The following CPNE8 variants were observed in gnomAD, a reference collection of about 807,000 sequenced individuals.
CPNE8 encodes copine 8.
Under a neutral mutation model 81.5 loss-of-function variants are expected in CPNE8, and 45 were observed. That is an observed-to-expected ratio of 0.55 (90% CI 0.44 to 0.71). The LOEUF (loss-of-function observed/expected upper bound fraction) is 0.71. Ranked by LOEUF, CPNE8 falls within the 30% of genes least tolerant of loss-of-function variation. The pLI, the probability that CPNE8 is intolerant of heterozygous loss-of-function variation, is 0.00. For synonymous variants in CPNE8, 252 were observed against 226.3 expected (o/e 1.11, Z -1.02); for missense variants, 594 against 672.1 (o/e 0.88, Z 1.28).
At chr12:38,865,996 T>C (rs1943907614) in intron 3 of CPNE8, among the ~76,000 whole-genome samples, 1 of 152,226 alleles carries the variant, frequency 6.6e-6, no homozygotes, top group South Asian at 2.1e-4. Context: ...TACGTCCTTT[T>C]CTGAACAGAA....
At chr12:38,702,789 GA>G in intron 14 of CPNE8, 85 bp downstream of exon 14, 1 of 763,446 alleles carries the variant, frequency 1.3e-6, no homozygotes, top group Non-Finnish European at 2.0e-6. Context: ...TGTAAATATA[GA>G]AATAAATTAA....
chr12:38,709,447 C>A (rs1464400618), intron 13 of CPNE8, among the ~76,000 whole-genome samples: 1 of 152,186 alleles, frequency 6.6e-6, no homozygotes, highest in Non-Finnish European at 1.5e-5. Context: ...GTGAGATGCA[C>A]AAATGCAAAT....
At chr12:38,716,378 A>C (rs1940392148) in intron 13 of CPNE8, among the ~76,000 whole-genome samples, 1 of 152,156 alleles carries the variant, frequency 6.6e-6, no homozygotes. Flanking sequence ...TGGAGGCATC[A>C]CATCACCCAA....
At chr12:38,671,502 G>A (rs1939175791) in intron 18 of CPNE8, among the ~76,000 whole-genome samples, 1 of 152,120 alleles carries the variant, frequency 6.6e-6, no homozygotes. Flanking sequence ...ATGCAGTGCT[G>A]CAATTAAGAA....
chr12:38,771,291 T>C (rs1047450059), intron 7 of CPNE8, among the ~76,000 whole-genome samples: 2 of 143,704 alleles, frequency 1.4e-5, no homozygotes, highest in Non-Finnish European at 3.0e-5. Flanking sequence ...TGAGACCACA[T>C]CTCTATCAAA....
intron 3 of CPNE8, among the ~76,000 whole-genome samples, chr12:38,861,049 A>C (rs1943824673): frequency 6.6e-6 from 1 of 152,198 alleles, no homozygotes; most frequent in Non-Finnish European, 1.5e-5. Context: ...AATATTATTC[A>C]GCTTTACAAA....
chr12:38,733,770 T>G (rs966068220), intron 10 of CPNE8, among the ~76,000 whole-genome samples: 1 of 151,964 alleles, frequency 6.6e-6, no homozygotes, highest in African/African-American at 2.4e-5. Context: ...GCTAGTAATT[T>G]GGCTCTAAAA....
chr12:38,720,372 T>C (rs1041928058), intron 13 of CPNE8, among the ~76,000 whole-genome samples: 3 of 152,232 alleles, frequency 2.0e-5, no homozygotes, highest in Non-Finnish European at 4.4e-5. Flanking sequence ...ATGTGATTTA[T>C]TGGTACCAGA....
chr12:38,785,066 G>T (rs901647054), intron 6 of CPNE8, among the ~76,000 whole-genome samples: 1 of 151,928 alleles, frequency 6.6e-6, no homozygotes, highest in Non-Finnish European at 1.5e-5. Context: ...GCGATGGCAC[G>T]TGCCTGTAGT....
intron 10 of CPNE8, among the ~76,000 whole-genome samples, chr12:38,744,770 G>C (rs1469094855): frequency 6.9e-6 from 1 of 145,978 alleles, no homozygotes; most frequent in East Asian, 2.0e-4. Context: ...ATTTTGCAAA[G>C]ATCAAATGGA....
At chr12:38,743,075 C>A (rs1002279892) in intron 10 of CPNE8, among the ~76,000 whole-genome samples, 64 of 152,078 alleles carry the variant, frequency 4.2e-4, no homozygotes, top group African/African-American at 1.4e-3. Flanking sequence ...CACAATTTAA[C>A]TGAAAATCTA....
intron 13 of CPNE8, among the ~76,000 whole-genome samples, chr12:38,713,345 A>G (rs1940307822): frequency 1.3e-5 from 2 of 152,116 alleles, no homozygotes; most frequent in South Asian, 4.1e-4. Flanking sequence ...TGTGCTTCTA[A>G]TCTTGATTTT....
chr12:38,708,797 T>C (rs1287257464), intron 13 of CPNE8, among the ~76,000 whole-genome samples: 2 of 152,222 alleles, frequency 1.3e-5, no homozygotes, highest in South Asian at 2.1e-4. Flanking sequence ...GACACACATA[T>C]ACACATACAG....
In CPNE8 at chr12:38,806,596, C is replaced by T. The variant is rs1405687746; in HGVS notation, c.407+22783G>A. ...CTCAATAAATTAGGTACTGATGGGA[C>T]GTATCTCAAAATAATAAGAGCTATC... On this transcript the variant is annotated intron_variant, in intron 6 of 19. Coordinates refer to ENST00000331366, the MANE Select transcript of CPNE8 (RefSeq NM_153634.3). Among the ~76,000 whole-genome samples the T allele has an allele frequency of 4.7e-5, 7 of 148,666 alleles. 1 individual carries two copies. Among genetic ancestry groups the T allele is most frequent in the East Asian group, 4.6e-4 (2 of 4,352 alleles).
intron 14 of CPNE8, 147 bp downstream of exon 14, chr12:38,702,728 T>A: frequency 2.2e-6 from 1 of 457,938 alleles, no homozygotes; most frequent in Non-Finnish European, 3.8e-6. Flanking sequence ...TTCACAACAT[T>A]AAAAAGAAAG....
At chr12:38,812,866 C>T (rs926106850) in intron 6 of CPNE8, among the ~76,000 whole-genome samples, 1 of 152,206 alleles carries the variant, frequency 6.6e-6, no homozygotes. Flanking sequence ...GTGCCTTGAT[C>T]TTGGATTCTG....
At chr12:38,799,178 T>C (rs1248071963) in intron 6 of CPNE8, among the ~76,000 whole-genome samples, 1 of 152,066 alleles carries the variant, frequency 6.6e-6, no homozygotes, top group Non-Finnish European at 1.5e-5. Flanking sequence ...GGAATTGAAC[T>C]CATCTCTGCA....
intron 4 of CPNE8, among the ~76,000 whole-genome samples, chr12:38,844,377 T>C (rs367900058): frequency 1.1e-4 from 16 of 152,142 alleles, no homozygotes; most frequent in African/African-American, 3.1e-4. Context: ...TTTTCAACCA[T>C]GACAACAAAA....
intron 6 of CPNE8, among the ~76,000 whole-genome samples, chr12:38,800,173 C>G (rs866903274): frequency 8.4e-6 from 1 of 118,570 alleles, no homozygotes; most frequent in African/African-American, 2.8e-5. Flanking sequence ...AGGAGGCCTG[C>G]CTGCCTCTGT....
Sources: gnomAD v4.1 joint callset for allele counts (sites outside exome capture counted in the v4.1 genomes callset) on GRCh38, gnomAD v4.1.1 for gene constraint, MANE v1.5 for transcripts, NCBI Gene and HGNC (gene_info 2026-07-23, HGNC 2026-07-21) for gene names.